The following GPR149 variants were observed in gnomAD, a reference collection of about 807,000 sequenced individuals.
GPR149 encodes G protein-coupled receptor 149.
A neutral mutation model predicts 50.2 loss-of-function variants in GPR149; 50 were observed. The observed-to-expected ratio is 1.00, with a 90% CI of 0.79 to 1.26. GPR149 has a LOEUF of 1.26. Among genes scored for constraint, GPR149 ranks in the 50% most tolerant of loss-of-function variants. The probability of loss-of-function intolerance (pLI) is 0.00; values close to 1 mark genes in which losing one functional copy is unlikely to be tolerated. For missense variants in GPR149, 983 were observed against 895.4 expected (o/e 1.10, Z -1.25); for synonymous variants, 405 against 358.2 (o/e 1.13, Z -1.48).
chr3:154,372,502 G>A (rs58352426), intron 3 of GPR149, among the ~76,000 whole-genome samples: 26,138 of 152,078 alleles, frequency 0.17, 2,689 homozygotes, highest in Non-Finnish European at 0.21. Flanking sequence ...TGTCTCCCTT[G>A]CCATGCCGCT....
At chr3:154,347,771 T>A (rs1456600860) in intron 3 of GPR149, among the ~76,000 whole-genome samples, 1 of 152,128 alleles carries the variant, frequency 6.6e-6, no homozygotes, top group Non-Finnish European at 1.5e-5. Context: ...GGATCTAAGA[T>A]GAATTGGAGA....
At chr3:154,369,531 C>T (rs1288993727) in intron 3 of GPR149, among the ~76,000 whole-genome samples, 2 of 152,188 alleles carry the variant, frequency 1.3e-5, no homozygotes, top group East Asian at 1.9e-4. Context: ...AACTGACTCT[C>T]CTCCATCCGG....
At chr3:154,424,728 T>C (rs906970209) in intron 2 of GPR149, among the ~76,000 whole-genome samples, 1 of 151,880 alleles carries the variant, frequency 6.6e-6, no homozygotes, top group Admixed American at 6.6e-5. Flanking sequence ...ATCTTTATTC[T>C]TCCAAAATCC....
At chr3:154,364,593 C>T (rs1714487694) in intron 3 of GPR149, among the ~76,000 whole-genome samples, 1 of 152,182 alleles carries the variant, frequency 6.6e-6, no homozygotes, top group Non-Finnish European at 1.5e-5. Flanking sequence ...ATTTTCATCT[C>T]AAAAGGGAGA....
chr3:154,354,197 G>T, intron 3 of GPR149: 1 of 492,770 alleles, frequency 2.0e-6, no homozygotes, highest in South Asian at 1.6e-5. Context: ...TCTTGTTTTT[G>T]ATTTCTCATC....
Position 154,337,747 on chromosome 3 carries a change from C to T in GPR149, c.2148G>A (p.Leu716=). ...ERDGYQEEIQ[L]LNKAYRKREE... ...CTCTTTTTCTGTAAGCTTTATTTAA[C>T]AACTGGATTTCCTCCTGGTAGCCAT... Residue 716 remains leucine (L), a synonymous_variant, in exon 4 of 4, where the codon TTG becomes TTA. Transcript: ENST00000389740. 6.2e-7 allele frequency: 1 copy of T among 1,611,372 alleles called. No individual in the cohort carries two copies. Among genetic ancestry groups the T allele is most frequent in the Non-Finnish European group, 8.5e-7 (1 of 1,178,892 alleles).
chr3:154,392,382 AAAAACC>A (rs779351182), intron 3 of GPR149, among the ~76,000 whole-genome samples: 144 of 148,868 alleles, frequency 9.7e-4, no homozygotes, highest in Non-Finnish European at 1.4e-3. Flanking sequence ...AAACAAACAA[AAAAACC>A]CAAACAAAAA....
In GPR149 at chr3:154,335,877, T is replaced by C. The variant is rs1307441422; in HGVS notation, c.*1822A>G. ...TGCATTTTAAAGCAGCAATATCACC[T>C]TTCTCTTTCAGAAAATTATACATCT... On this transcript the variant is annotated 3_prime_UTR_variant, in exon 4 of 4. Coordinates refer to ENST00000389740, the MANE Select transcript of GPR149 (RefSeq NM_001038705.3). 1.3e-5 allele frequency: 2 copies of C among 152,064 alleles called. No homozygotes were observed. Among genetic ancestry groups the C allele is most frequent in the East Asian group, 3.8e-4 (2 of 5,202 alleles). The allele number at this position is 152,064 out of a possible 1,614,324, so 9.4% of individuals were successfully genotyped here.
At chr3:154,426,913 TGA>T (rs1553767488) in intron 2 of GPR149, among the ~76,000 whole-genome samples, 66 of 127,332 alleles carry the variant, frequency 5.2e-4, no homozygotes, top group African/African-American at 1.8e-3. Context: ...TGTGTGTGTG[TGA>T]GACAGAGAGA....
At chr3:154,364,044 C>A (rs911242907) in intron 3 of GPR149, among the ~76,000 whole-genome samples, 4 of 152,214 alleles carry the variant, frequency 2.6e-5, no homozygotes, top group African/African-American at 9.7e-5. Flanking sequence ...CTCTCTCTCC[C>A]TCTCATGGAA....
At chr3:154,428,547 G>T in intron 1 of GPR149, 88 bp downstream of exon 1, 1 of 1,411,456 alleles carries the variant, frequency 7.1e-7, no homozygotes, top group Non-Finnish European at 9.6e-7. Flanking sequence ...GTCTCTTGGT[G>T]ACTCCCCAAA....
At chr3:154,424,407 A>C (rs1339189617) in intron 2 of GPR149, among the ~76,000 whole-genome samples, 10 of 151,902 alleles carry the variant, frequency 6.6e-5, no homozygotes. Flanking sequence ...GCCTTGACTC[A>C]ATGATGCTAG....
intron 3 of GPR149, among the ~76,000 whole-genome samples, chr3:154,393,544 A>G (rs1715217083): frequency 6.6e-6 from 1 of 152,032 alleles, no homozygotes; most frequent in South Asian, 2.1e-4. Context: ...CACTCTCGCT[A>G]CTTTTATTCA....
intron 3 of GPR149, among the ~76,000 whole-genome samples, chr3:154,356,438 T>C (rs1455320959): frequency 1.3e-5 from 2 of 152,194 alleles, no homozygotes; most frequent in East Asian, 3.8e-4. Flanking sequence ...ATCCCCATCG[T>C]CTCAGCCCAA....
chr3:154,389,136 T>C (rs1023063757), intron 3 of GPR149, among the ~76,000 whole-genome samples: 1 of 152,148 alleles, frequency 6.6e-6, no homozygotes, highest in African/African-American at 2.4e-5. Context: ...CTCTTGGAGA[T>C]ATAAAGATTT....
At chr3:154,357,343 A>C (rs1480417585) in intron 3 of GPR149, among the ~76,000 whole-genome samples, 1 of 152,236 alleles carries the variant, frequency 6.6e-6, no homozygotes, top group South Asian at 2.1e-4. Flanking sequence ...GGATCTAATT[A>C]AACTAAAGAG....
intron 3 of GPR149, among the ~76,000 whole-genome samples, chr3:154,384,498 T>A (rs1715004900): frequency 6.6e-6 from 1 of 152,156 alleles, no homozygotes; most frequent in Non-Finnish European, 1.5e-5. Flanking sequence ...ACTCTAATAC[T>A]CTGGAGACAG....
intron 1 of GPR149, among the ~76,000 whole-genome samples, chr3:154,428,040 G>A (rs1019638955): frequency 1.3e-5 from 2 of 152,218 alleles, no homozygotes; most frequent in East Asian, 3.9e-4. Flanking sequence ...TTCTCCGAAT[G>A]GCCTTTGTCG....
chr3:154,400,433 G>A lies in GPR149; in HGVS notation c.1623+20606C>T, dbSNP rs181447758. ...TGTGTCAATGGGTAACCTCGAAGAGGGTCTTAGTATCCTTTTCAATATTCT... is the reference window on the plus strand; with the variant it reads ...TGTGTCAATGGGTAACCTCGAAGAGAGTCTTAGTATCCTTTTCAATATTCT... On this transcript the variant is annotated intron_variant, in intron 3 of 3. Coordinates refer to ENST00000389740, the MANE Select transcript of GPR149 (RefSeq NM_001038705.3). Among the ~76,000 whole-genome samples the A allele has an allele frequency of 1.5e-3, 223 of 152,216 alleles. 2 individuals are homozygous for A. Among genetic ancestry groups the A allele is most frequent in the African/African-American group, 4.4e-3 (182 of 41,540 alleles).
Sources: allele counts gnomAD v4.1 joint callset (sites outside exome capture counted in the v4.1 genomes callset), GRCh38; gene constraint gnomAD v4.1.1; transcripts MANE v1.5; gene names NCBI Gene and HGNC (gene_info 2026-07-23, HGNC 2026-07-21).